The following PAX8 variants were observed in gnomAD, a reference collection of about 807,000 sequenced individuals.
PAX8 encodes paired box protein Pax-8.
Under a neutral mutation model 52.4 loss-of-function variants are expected in PAX8, and 15 were observed. The ratio of observed to expected loss-of-function variants is 0.29; its 90% confidence interval spans 0.19 to 0.44. The LOEUF is 0.44. PAX8 is among the 20% of genes least tolerant of loss of function. The pLI is 1.00. For missense variants in PAX8, 554 were observed against 602.5 expected (o/e 0.92, Z 0.84); for synonymous variants, 284 against 249.7 (o/e 1.14, Z -1.29).
intron 2 of PAX8, among the ~76,000 whole-genome samples, chr2:113,247,264 TC>T (rs926259720): frequency 1.3e-5 from 2 of 152,226 alleles, no homozygotes; most frequent in Admixed American, 6.5e-5. Flanking sequence ...TGTGGGGTCT[TC>T]CCATACCAAT....
At chr2:113,237,280 C>A (rs1690440753) in intron 7 of PAX8, 1 of 152,508 alleles carries the variant, frequency 6.6e-6, no homozygotes, top group African/African-American at 2.4e-5. Context: ...GAGCTTATAT[C>A]AGAGCTTTGC....
At chr2:113,251,982 T>C (rs1380986869) in intron 2 of PAX8, among the ~76,000 whole-genome samples, 1 of 152,198 alleles carries the variant, frequency 6.6e-6, no homozygotes, top group African/African-American at 2.4e-5. Context: ...ATGGTTTACA[T>C]TGGTTATGGT....
intron 2 of PAX8, among the ~76,000 whole-genome samples, chr2:113,262,550 T>C (rs1278392875): frequency 2.0e-5 from 3 of 152,144 alleles, no homozygotes; most frequent in African/African-American, 7.2e-5. Context: ...GGAGACACAA[T>C]ACTTAGGTGT....
At position 113,226,236 on chromosome 2, in the gene PAX8, T is replaced by G. The variant is rs981398342; in HGVS notation, c.1189+919A>C. 7.5e-5 allele frequency: 74 copies of G among 985,266 alleles called. 2 individuals carry two copies. The African/African-American group carries it at 1.2e-3, about 16-fold the overall frequency. The allele number at this position is 985,266 out of a possible 1,614,324, so 61.0% of individuals were successfully genotyped here. A position where few individuals can be genotyped will look rare whatever the true frequency, so the allele number is the denominator to read the frequency against. ...AGCAGGCCTAGGTAAATACGCCAAG[T>G]CTCTGGGGTCACAGCCAGAGAGGCT... On this transcript the variant is annotated intron_variant, in intron 10 of 11. Coordinates refer to ENST00000429538, the MANE Select transcript of PAX8 (RefSeq NM_003466.4).
At chr2:113,242,216 T>G in intron 5 of PAX8, 86 bp from the exon 6 acceptor site, 2 of 1,069,032 alleles carry the variant, frequency 1.9e-6, no homozygotes, top group East Asian at 3.1e-5. Context: ...ACAGTTGAGC[T>G]GGGGACTGCA....
chr2:113,234,527 T>C (rs1690122644), intron 9 of PAX8, among the ~76,000 whole-genome samples: 1 of 152,196 alleles, frequency 6.6e-6, no homozygotes, highest in African/African-American at 2.4e-5. Flanking sequence ...TTTATTTGTT[T>C]TTTTCTTTTT....
chr2:113,255,800 G>A (rs978956400), intron 2 of PAX8, among the ~76,000 whole-genome samples: 1 of 152,168 alleles, frequency 6.6e-6, no homozygotes, highest in African/African-American at 2.4e-5. Context: ...TGATAGCTCT[G>A]TTGGGAAGAT....
intron 2 of PAX8, among the ~76,000 whole-genome samples, chr2:113,248,607 G>T (rs1691510683): frequency 6.6e-6 from 1 of 152,144 alleles, no homozygotes. Flanking sequence ...GAACTGCCTT[G>T]CAATGTCTCC....
At chr2:113,263,475 G>T (rs866215322) in intron 2 of PAX8, 2 of 152,618 alleles carry the variant, frequency 1.3e-5, no homozygotes, top group East Asian at 3.9e-4. Flanking sequence ...CTTAAATTTA[G>T]TTCAACAAAC....
At chr2:113,229,417 G>A (rs530493495) in intron 9 of PAX8, among the ~76,000 whole-genome samples, 2 of 152,370 alleles carry the variant, frequency 1.3e-5, no homozygotes, top group South Asian at 4.1e-4. Context: ...ATATGCCAGT[G>A]AACTCCTACA....
At chr2:113,245,404 G>T (rs1573472332) in intron 3 of PAX8, among the ~76,000 whole-genome samples, 1 of 152,174 alleles carries the variant, frequency 6.6e-6, no homozygotes, top group Middle Eastern at 3.4e-3. Context: ...TGGACCCTCT[G>T]CTCTGTCTTG....
chr2:113,243,289 A>G (rs2863244), intron 4 of PAX8, among the ~76,000 whole-genome samples: 74,189 of 152,090 alleles, frequency 0.49, 18,524 homozygotes, highest in African/African-American at 0.59. Flanking sequence ...AGGCAAGAAG[A>G]TATAACACAG....
At chr2:113,262,417 G>T (rs1692756160) in intron 2 of PAX8, among the ~76,000 whole-genome samples, 2 of 152,172 alleles carry the variant, frequency 1.3e-5, no homozygotes, top group South Asian at 4.1e-4. Flanking sequence ...GGTTCTGGAG[G>T]ATGGATGTCA....
intron 9 of PAX8, among the ~76,000 whole-genome samples, chr2:113,234,582 G>A (rs1313647187): frequency 6.6e-6 from 1 of 152,120 alleles, no homozygotes; most frequent in Non-Finnish European, 1.5e-5. Context: ...GTGCCATGGC[G>A]CCACCTCAGC....
chr2:113,219,950 T>C, intron 11 of PAX8, 142 bp downstream of exon 11: 1 of 624,978 alleles, frequency 1.6e-6, no homozygotes, highest in Non-Finnish European at 2.9e-6. Context: ...TGCTGCCTTC[T>C]TCCATCACAA....
At chr2:113,236,525 C>A in intron 8 of PAX8, 76 bp downstream of exon 8, 3 of 1,501,932 alleles carry the variant, frequency 2.0e-6, no homozygotes, top group Non-Finnish European at 2.7e-6. Context: ...CAGGGCCCCA[C>A]ACCTTCCGCC....
intron 2 of PAX8, among the ~76,000 whole-genome samples, chr2:113,251,842 T>G (rs1346058919): frequency 1.3e-5 from 2 of 152,218 alleles, no homozygotes; most frequent in Admixed American, 6.5e-5. Flanking sequence ...TTGCACAAAT[T>G]CCTATCATAG....
chr2:113,231,956 G>C (rs922737938), intron 9 of PAX8, among the ~76,000 whole-genome samples: 6 of 152,264 alleles, frequency 3.9e-5, no homozygotes, highest in Non-Finnish European at 7.4e-5. Flanking sequence ...TCGAACTCCC[G>C]ACCTCAGGTG....
intron 2 of PAX8, chr2:113,273,378 C>T (rs1693595231): frequency 6.6e-6 from 1 of 152,194 alleles, no homozygotes; most frequent in East Asian, 1.9e-4. Flanking sequence ...TTGGATGTTC[C>T]TAAGCATAGA....
Sources: allele counts gnomAD v4.1 joint callset (sites outside exome capture counted in the v4.1 genomes callset), GRCh38; gene constraint gnomAD v4.1.1; transcripts MANE v1.5; gene names NCBI Gene and HGNC (gene_info 2026-07-23, HGNC 2026-07-21).